The following SCOC variants were observed in gnomAD, a reference collection of about 807,000 sequenced individuals.
SCOC encodes the protein short coiled-coil protein.
In SCOC, 7 loss-of-function variants were observed where a neutral mutation model predicts 9.9. That is an observed-to-expected ratio of 0.71 (90% CI 0.40 to 1.33). SCOC has a LOEUF of 1.33. SCOC is among the 40% of genes most tolerant of loss of function. SCOC has a pLI of 0.01. For synonymous variants in SCOC, 19 were observed against 28.2 expected (o/e 0.67, Z 1.03); for missense variants, 66 against 89.7 (o/e 0.74, Z 1.07).
At chr4:140,370,344 T>C (rs1727997986), upstream of SCOC, among the ~76,000 whole-genome samples, 1 of 152,222 alleles carries the variant, frequency 6.6e-6, no homozygotes, top group Non-Finnish European at 1.5e-5. Flanking sequence ...AGTTATTGGG[T>C]GCAATGTTCT....
chr4:140,301,819 T>C (rs1731819391), intron 1 of SCOC, among the ~76,000 whole-genome samples: 1 of 152,256 alleles, frequency 6.6e-6, no homozygotes, highest in Non-Finnish European at 1.5e-5. Context: ...AAAACTATTA[T>C]TCTTTTTATT....
chr4:140,318,033 A>AT (rs1321800777), intron 1 of SCOC, among the ~76,000 whole-genome samples: 2 of 151,726 alleles, frequency 1.3e-5, no homozygotes, highest in Non-Finnish European at 2.9e-5. Flanking sequence ...TGAACTCATC[A>AT]TTTTTTATGG....
intron 2 of SCOC, among the ~76,000 whole-genome samples, chr4:140,365,052 G>A (rs1299650745): frequency 2.0e-5 from 3 of 151,884 alleles, no homozygotes; most frequent in African/African-American, 7.3e-5. Context: ...AAAAAGTTGT[G>A]AAGGTCATCA....
intron 1 of SCOC, among the ~76,000 whole-genome samples, chr4:140,261,903 T>A (rs1730641002): frequency 6.6e-6 from 1 of 152,082 alleles, no homozygotes; most frequent in African/African-American, 2.4e-5. Flanking sequence ...GGGACACTGG[T>A]GTCATATGAA....
At chr4:140,373,626 G>T, upstream of SCOC, 1 of 1,551,660 alleles carries the variant, frequency 6.4e-7, no homozygotes, top group Non-Finnish European at 8.7e-7. Context: ...TCTGTGGGCG[G>T]AGTGGGCGGA....
At chr4:140,360,114 T>C (rs1026523586) in intron 2 of SCOC, among the ~76,000 whole-genome samples, 4 of 152,176 alleles carry the variant, frequency 2.6e-5, no homozygotes, top group Admixed American at 2.6e-4. Context: ...AATGCCAAAA[T>C]TGTGCTACTT....
upstream of SCOC, among the ~76,000 whole-genome samples, chr4:140,369,676 ATTAGGAC>A (rs1727957587): frequency 6.6e-6 from 1 of 152,050 alleles, no homozygotes; most frequent in Non-Finnish European, 1.5e-5. Flanking sequence ...ACAGTTTTCA[ATTAGGAC>A]TTCCCCCATT....
At chr4:140,282,507 C>T (rs1343552218) in intron 1 of SCOC, among the ~76,000 whole-genome samples, 1 of 152,084 alleles carries the variant, frequency 6.6e-6, no homozygotes, top group Non-Finnish European at 1.5e-5. Context: ...AGTTCTGTTT[C>T]CCTTCCTGTG....
In SCOC at chr4:140,379,167, C is replaced by T; in HGVS notation, c.-4C>T. 6.2e-7 allele frequency: 1 copy of T among 1,609,104 alleles called. No homozygotes were observed. The highest frequency in any genetic ancestry group is 2.2e-5 in the East Asian group (1 of 44,746). ...ATCCAAGGCCCAAAAGTTTGTTACC[C>T]AAGATGATGAATGCTGACATGGATG... On this transcript the variant is annotated 5_prime_UTR_variant, in exon 2 of 4. Coordinates refer to ENST00000608372, the MANE Select transcript of SCOC (RefSeq NM_001153484.2).
chr4:140,308,435 T>TA (rs1312362968), intron 1 of SCOC, among the ~76,000 whole-genome samples: 1 of 152,164 alleles, frequency 6.6e-6, no homozygotes, highest in African/African-American at 2.4e-5. Flanking sequence ...AGCAGGACTA[T>TA]ATATAGCCAG....
At chr4:140,317,231 C>T (rs1168457373) in intron 1 of SCOC, among the ~76,000 whole-genome samples, 1 of 152,112 alleles carries the variant, frequency 6.6e-6, no homozygotes, top group Non-Finnish European at 1.5e-5. Context: ...AGGAGACCAC[C>T]CCTCATATTG....
intron 1 of SCOC, among the ~76,000 whole-genome samples, chr4:140,264,800 C>T (rs1221190575): frequency 2.0e-5 from 3 of 152,156 alleles, no homozygotes; most frequent in African/African-American, 7.2e-5. Context: ...TTTTCACATA[C>T]ACTGAATTTT....
intron 1 of SCOC, among the ~76,000 whole-genome samples, chr4:140,378,356 GT>G (rs1322050863): frequency 1.3e-5 from 2 of 151,840 alleles, no homozygotes; most frequent in Non-Finnish European, 1.5e-5. Flanking sequence ...TCATTTTCAT[GT>G]TTTTTATGCA....
At chr4:140,288,440 A>G (rs915603849) in intron 1 of SCOC, among the ~76,000 whole-genome samples, 1 of 142,232 alleles carries the variant, frequency 7.0e-6, no homozygotes, top group African/African-American at 3.0e-5. Flanking sequence ...CACATCACAC[A>G]TGTACACATC....
chr4:140,263,281 C>A (rs1730669375), intron 1 of SCOC, among the ~76,000 whole-genome samples: 1 of 152,180 alleles, frequency 6.6e-6, no homozygotes, highest in African/African-American at 2.4e-5. Flanking sequence ...AAGCATGAGA[C>A]CTTGTCTTCC....
At chr4:140,313,943 C>T (rs1475256882) in intron 1 of SCOC, among the ~76,000 whole-genome samples, 1 of 151,984 alleles carries the variant, frequency 6.6e-6, no homozygotes, top group East Asian at 1.9e-4. Flanking sequence ...GCCTGGCCAA[C>T]ATGGCAAAAC....
chr4:140,373,047 A>C (rs190475749), upstream of SCOC, among the ~76,000 whole-genome samples: 122 of 152,386 alleles, frequency 8.0e-4, no homozygotes, highest in Admixed American at 1.4e-3. Flanking sequence ...TTAAATGGCC[A>C]CGCACTACAG....
At chr4:140,338,518 T>G (rs1441693164), upstream of SCOC, among the ~76,000 whole-genome samples, 6 of 152,244 alleles carry the variant, frequency 3.9e-5, no homozygotes, top group African/African-American at 7.2e-5. Context: ...TGTCCCTGTT[T>G]GCAGATGACA....
intron 2 of SCOC, among the ~76,000 whole-genome samples, chr4:140,344,093 T>C (rs1726613553): frequency 6.6e-6 from 1 of 152,230 alleles, no homozygotes; most frequent in Non-Finnish European, 1.5e-5. Context: ...TGAACTAGAC[T>C]ATGCTGCAAT....
Sources: gnomAD v4.1 joint callset for allele counts (sites outside exome capture counted in the v4.1 genomes callset) on GRCh38, gnomAD v4.1.1 for gene constraint, MANE v1.5 for transcripts, NCBI Gene and HGNC (gene_info 2026-07-23, HGNC 2026-07-21) for gene names.